EXOC6B: variants seen among roughly 807,000 people sequenced by gnomAD.
The protein encoded by EXOC6B is exocyst complex component 6B.
EXOC6B carries 54 observed loss-of-function variants against 113.5 expected under a neutral mutation model. The observed-to-expected ratio is 0.48, with a 90% confidence interval of 0.38 to 0.60. EXOC6B has a LOEUF of 0.60. EXOC6B is among the 20% of genes least tolerant of loss of function. The pLI, the probability that EXOC6B is intolerant of heterozygous loss-of-function variation, is 0.00. For synonymous variants in EXOC6B, 357 were observed against 339.0 expected (o/e 1.05, Z -0.58); for missense variants, 797 against 977.5 (o/e 0.82, Z 2.46).
chr2:72,559,611 T>C, intron 7 of EXOC6B, 90 bp from the exon 8 acceptor site: 1 of 1,014,376 alleles, frequency 9.9e-7, no homozygotes, highest in Non-Finnish European at 1.5e-6. Flanking sequence ...TTGGTTCTTT[T>C]TATAAAGGCC....
intron 7 of EXOC6B, among the ~76,000 whole-genome samples, chr2:72,573,994 T>A (rs1460497089): frequency 1.3e-5 from 2 of 151,698 alleles, no homozygotes; most frequent in African/African-American, 4.8e-5. Flanking sequence ...CGGGCGCCTG[T>A]AGTCCCAGTT....
chr2:72,755,620 AAAAG>A (rs1682364626), intron 1 of EXOC6B, among the ~76,000 whole-genome samples: 1 of 151,944 alleles, frequency 6.6e-6, no homozygotes, highest in East Asian at 1.9e-4. Context: ...GTTAAACAGA[AAAAG>A]AAAGAAACAG....
intron 6 of EXOC6B, among the ~76,000 whole-genome samples, chr2:72,618,656 G>A (rs2104160402): frequency 6.6e-6 from 1 of 152,256 alleles, no homozygotes; most frequent in Non-Finnish European, 1.5e-5. Flanking sequence ...TTATGAGCCT[G>A]CAATACCATG....
At chr2:72,731,464 A>G (rs943959274) in intron 3 of EXOC6B, among the ~76,000 whole-genome samples, 2 of 152,220 alleles carry the variant, frequency 1.3e-5, no homozygotes, top group African/African-American at 4.8e-5. Context: ...AGGAAGGGCT[A>G]GGTAAAATGA....
intron 6 of EXOC6B, among the ~76,000 whole-genome samples, chr2:72,595,938 A>G (rs755716875): frequency 2.6e-5 from 4 of 152,178 alleles, no homozygotes; most frequent in Admixed American, 6.5e-5. Flanking sequence ...GCCTAGAAAG[A>G]TTCCTGAACT....
chr2:72,194,569 T>TTCTCTCTTTCTCTCTC (rs1553463327), intron 20 of EXOC6B, among the ~76,000 whole-genome samples: 12 of 143,794 alleles, frequency 8.3e-5, no homozygotes, highest in African/African-American at 3.3e-4. Context: ...GGTGAATGAT[T>TTCTCTCTTTCTCTCTC]TCTCTCTCTC....
intron 20 of EXOC6B, among the ~76,000 whole-genome samples, chr2:72,279,455 T>C (rs1684996130): frequency 6.6e-6 from 1 of 152,218 alleles, no homozygotes; most frequent in Non-Finnish European, 1.5e-5. Context: ...AGGGCCCAAA[T>C]ATTAAAGAGT....
chr2:72,219,710 C>T lies in EXOC6B; in HGVS notation c.2197-35523G>A, dbSNP rs1573021386. 2.0e-5 allele frequency among the ~76,000 whole-genome samples: 3 copies of T among 152,270 alleles called. No homozygotes were observed. In the South Asian group the frequency reaches 6.2e-4, roughly 32 times the overall value. ...GCTCTGGCCTCAAACAAGTAGCACT[C>T]CCTAAATATGAAATAATGAGGCTGC... is the stretch of plus-strand genomic sequence containing the variant. On this transcript the variant is annotated intron_variant, in intron 20 of 21. Coordinates refer to ENST00000272427, the MANE Select transcript of EXOC6B (RefSeq NM_015189.3).
intron 6 of EXOC6B, among the ~76,000 whole-genome samples, chr2:72,631,236 A>G (rs1672372958): frequency 6.6e-6 from 1 of 151,650 alleles, no homozygotes; most frequent in African/African-American, 2.4e-5. Flanking sequence ...GTGTACATAT[A>G]TGTATATGTG....
chr2:72,381,590 T>G (rs2105070286), intron 18 of EXOC6B, among the ~76,000 whole-genome samples: 1 of 152,306 alleles, frequency 6.6e-6, no homozygotes, highest in Non-Finnish European at 1.5e-5. Context: ...TACATAATTT[T>G]ATGTACTTTG....
intron 19 of EXOC6B, among the ~76,000 whole-genome samples, chr2:72,344,881 G>A (rs1011641602): frequency 6.6e-6 from 1 of 152,012 alleles, no homozygotes; most frequent in Non-Finnish European, 1.5e-5. Context: ...TTAGCCAGAG[G>A]AGCAGGAGCA....
At chr2:72,570,683 A>G (rs1008734611) in intron 7 of EXOC6B, among the ~76,000 whole-genome samples, 2 of 152,240 alleles carry the variant, frequency 1.3e-5, no homozygotes, top group African/African-American at 4.8e-5. Flanking sequence ...TGTGGTATCA[A>G]TGAAGTATTC....
intron 1 of EXOC6B, among the ~76,000 whole-genome samples, chr2:72,755,744 C>T (rs1423748459): frequency 6.6e-6 from 1 of 152,100 alleles, no homozygotes; most frequent in Non-Finnish European, 1.5e-5. Flanking sequence ...CCTCTGGAAG[C>T]TAGGAGAAGG....
At chr2:72,712,121 AAGAC>A (rs1054208597) in intron 6 of EXOC6B, among the ~76,000 whole-genome samples, 1 of 152,214 alleles carries the variant, frequency 6.6e-6, no homozygotes, top group African/African-American at 2.4e-5. Context: ...TATTGGAAGA[AAGAC>A]AGAAGACTGA....
At chr2:72,405,621 G>A (rs918928038) in intron 18 of EXOC6B, among the ~76,000 whole-genome samples, 2 of 152,276 alleles carry the variant, frequency 1.3e-5, no homozygotes, top group African/African-American at 4.8e-5. Context: ...AAGTGAAGGA[G>A]AAATAAAATC....
intron 18 of EXOC6B, among the ~76,000 whole-genome samples, chr2:72,440,906 AAAC>A (rs896529466): frequency 2.2e-4 from 34 of 152,290 alleles, no homozygotes; most frequent in Admixed American, 1.8e-3. Context: ...ACAGACTTTA[AAAC>A]AACAAAGATT....
At chr2:72,673,881 A>T (rs1044620666) in intron 6 of EXOC6B, among the ~76,000 whole-genome samples, 1 of 151,834 alleles carries the variant, frequency 6.6e-6, no homozygotes, top group East Asian at 1.9e-4. Context: ...AATTCCTAAG[A>T]TTAGTCTTTT....
intron 7 of EXOC6B, among the ~76,000 whole-genome samples, chr2:72,570,213 C>T (rs1049561093): frequency 1.4e-4 from 22 of 152,086 alleles, no homozygotes; most frequent in African/African-American, 4.8e-4. Context: ...TATGAGGATA[C>T]GGCTAGAAGG....
In EXOC6B at chr2:72,496,476, A is replaced by T. The variant is rs1372120215; in HGVS notation, c.1421T>A (p.Phe474Tyr). The change falls in exon 14 of 22, where the codon TTT becomes TAT. Residue 474 changes from phenylalanine to tyrosine, a missense_variant. Transcript: ENST00000272427. ...MYKKVVGQFP[F>Y]QDIELEKQPF... ...TACCTTTTCCAGTTCTATATCTTGAAATGGGAATTGTCCTACCACCTTTTT... is the reference window on the plus strand; with the variant it reads ...TACCTTTTCCAGTTCTATATCTTGATATGGGAATTGTCCTACCACCTTTTT... 1 of 1,596,824 alleles carries T rather than the reference A, an allele frequency of 6.3e-7. No homozygotes were observed. Among genetic ancestry groups the T allele is most frequent in the African/African-American group, 1.3e-5 (1 of 74,872 alleles).
Sources: allele counts gnomAD v4.1 joint callset (sites outside exome capture counted in the v4.1 genomes callset), GRCh38; gene constraint gnomAD v4.1.1; transcripts MANE v1.5; gene names NCBI Gene and HGNC (gene_info 2026-07-23, HGNC 2026-07-21).